DPF3: variants seen among roughly 807,000 people sequenced by gnomAD.
DPF3 encodes the protein double PHD fingers 3.
A neutral mutation model predicts 56.8 loss-of-function variants in DPF3; 18 were observed. The ratio of observed to expected loss-of-function variants is 0.32; its 90% CI spans 0.22 to 0.47. DPF3 has a LOEUF of 0.47. Ranked by LOEUF, DPF3 falls within the 20% of genes least tolerant of loss-of-function variation. The pLI is 1.00. For missense variants in DPF3, 403 were observed against 488.8 expected, an observed-to-expected ratio of 0.82 and a Z score of 1.65; for synonymous variants, 188 against 180.2, an observed-to-expected ratio of 1.04 and a Z score of -0.35.
intron 10 of DPF3, 142 bp from the exon 11 acceptor site, chr14:72,619,509 G>C: frequency 1.1e-6 from 1 of 921,422 alleles, no homozygotes. Context: ...AAACGTGCCA[G>C]AGTCTGTGGC....
At chr14:72,825,039 C>T (rs945194176) in intron 1 of DPF3, among the ~76,000 whole-genome samples, 1 of 151,836 alleles carries the variant, frequency 6.6e-6, no homozygotes, top group South Asian at 2.1e-4. Flanking sequence ...AGGCGCATGC[C>T]ACCATGCCCA....
intron 7 of DPF3, among the ~76,000 whole-genome samples, chr14:72,690,264 A>G (rs1381730278): frequency 1.3e-5 from 2 of 152,150 alleles, no homozygotes; most frequent in African/African-American, 4.8e-5. Context: ...TAGAAGGCCA[A>G]ACACACCCGC....
In DPF3 at chr14:72,614,504, C is replaced by G. The variant is rs1044648923; in HGVS notation, c.*4793G>C. Among the ~76,000 whole-genome samples the G allele has an allele frequency of 6.6e-6, 1 of 152,104 alleles. No individual in the cohort carries two copies. The highest frequency in any genetic ancestry group is 2.4e-5 in the African/African-American group (1 of 41,400). On this transcript the variant is annotated 3_prime_UTR_variant, in exon 11 of 11. Coordinates refer to ENST00000556509, the MANE Select transcript of DPF3 (RefSeq NM_001280542.3). ...CTACTGGTGTCCTGGGCTTGGGGGA[C>G]AGGGGCCTGGGGGCCTGACCCCTCT...
chr14:72,867,020 G>C (rs1419019412), intron 1 of DPF3, among the ~76,000 whole-genome samples: 1 of 151,300 alleles, frequency 6.6e-6, no homozygotes, highest in African/African-American at 2.4e-5. Flanking sequence ...CAAAGGCCTA[G>C]GTGCCCAAAT....
At chr14:72,699,645 C>CA (rs111952257) in intron 6 of DPF3, among the ~76,000 whole-genome samples, 1,612 of 152,182 alleles carry the variant, frequency 0.011, 28 homozygotes, top group African/African-American at 0.037. Context: ...CAGGTCCTGC[C>CA]AACAGCTATT....
chr14:72,718,206 T>C (rs1889011796), intron 5 of DPF3, among the ~76,000 whole-genome samples: 1 of 152,228 alleles, frequency 6.6e-6, no homozygotes, highest in African/African-American at 2.4e-5. Context: ...CTGCTCTTCC[T>C]GTGGTTTGGA....
intron 1 of DPF3, among the ~76,000 whole-genome samples, chr14:72,782,469 C>A (rs1002687400): frequency 6.6e-6 from 1 of 152,176 alleles, no homozygotes. Context: ...AAGCAGTCAG[C>A]CCGTCTCAGT....
intron 1 of DPF3, among the ~76,000 whole-genome samples, chr14:72,819,995 G>A (rs1432631278): frequency 6.6e-6 from 1 of 152,100 alleles, no homozygotes; most frequent in Non-Finnish European, 1.5e-5. Flanking sequence ...CTTAGAATCA[G>A]CAAAATTAAT....
At chr14:72,689,204 T>TG in intron 7 of DPF3, among the ~76,000 whole-genome samples, 1 of 152,048 alleles carries the variant, frequency 6.6e-6, no homozygotes, top group South Asian at 2.1e-4. Context: ...AAGACAAAGC[T>TG]GGGGGGCGAT....
chr14:72,732,010 G>A (rs1263292146), intron 3 of DPF3, 76 bp from the exon 4 acceptor site: 34 of 1,524,394 alleles, frequency 2.2e-5, no homozygotes, highest in Admixed American at 1.6e-4. Context: ...TGGAGGACAC[G>A]CAGGGCCCAG....
chr14:72,644,522 A>G (rs1003168876), intron 8 of DPF3, among the ~76,000 whole-genome samples: 13 of 152,232 alleles, frequency 8.5e-5, no homozygotes, highest in Admixed American at 8.5e-4. Context: ...GAGTTGGAAT[A>G]GTACAAGAGA....
chr14:72,773,675 A>G (rs1599429161), intron 1 of DPF3: 1 of 381,506 alleles, frequency 2.6e-6, no homozygotes, highest in African/African-American at 2.1e-5. Flanking sequence ...TATCTCTATG[A>G]TTCTGACTAC....
chr14:72,612,988 T>C lies in DPF3; in HGVS notation c.*6309A>G, dbSNP rs966143791. ...CAAAGTTTCCCTTTGGTTCATTAAG[T>C]AGGGCGTGTGTGTGTGTGTGTGTGT... On this transcript the variant is annotated 3_prime_UTR_variant, in exon 11 of 11. Coordinates refer to ENST00000556509, the MANE Select transcript of DPF3 (RefSeq NM_001280542.3). Among the ~76,000 whole-genome samples the C allele has an allele frequency of 2.8e-5, 3 of 105,488 alleles. No homozygotes were observed. The highest frequency in any genetic ancestry group is 6.1e-5 in the Non-Finnish European group (3 of 49,168). The allele number at this position is 105,488 out of a possible 152,430, so 69.2% of individuals were successfully genotyped here.
chr14:72,803,021 C>T (rs955928050), intron 1 of DPF3, among the ~76,000 whole-genome samples: 2 of 152,242 alleles, frequency 1.3e-5, no homozygotes, highest in Admixed American at 6.5e-5. Context: ...CCCCTTGTCA[C>T]ATTGACAGAT....
At position 72,613,825 on chromosome 14, in the gene DPF3, G is replaced by A. The variant is rs746241136; in HGVS notation, c.*5472C>T. On this transcript the variant is annotated 3_prime_UTR_variant, in exon 11 of 11. Transcript: ENST00000556509. ...TAGCTGCCTGGGCTGCGCACATGGA[G>A]GGGGCGCCCGCCGCACAGCCAGGCC... 2.6e-5 allele frequency among the ~76,000 whole-genome samples: 4 copies of A among 152,170 alleles called. No individual in the cohort carries two copies. Among genetic ancestry groups the A allele is most frequent in the Non-Finnish European group, 4.4e-5 (3 of 68,028 alleles).
chr14:72,819,801 G>T (rs1011102336), intron 1 of DPF3, among the ~76,000 whole-genome samples: 8 of 152,062 alleles, frequency 5.3e-5, no homozygotes, highest in Admixed American at 5.2e-4. Flanking sequence ...AGCCAGGTGT[G>T]GTGATATGTA....
intron 7 of DPF3, among the ~76,000 whole-genome samples, chr14:72,690,989 G>C (rs1305511196): frequency 6.6e-6 from 1 of 152,212 alleles, no homozygotes; most frequent in African/African-American, 2.4e-5. Flanking sequence ...AAAGGGAAAT[G>C]CAAGTATTGG....
Position 72,619,316 on chromosome 14 carries a change from G to T in DPF3, c.1118C>A (p.Ala373Asp). The T allele has an allele frequency of 6.5e-7, 1 of 1,536,142 alleles. No homozygotes were observed. Among genetic ancestry groups the T allele is most frequent in the South Asian group, 1.2e-5 (1 of 84,064 alleles). Residue 373 changes from alanine (A) to aspartate (D), a missense_variant, in exon 11 of 11, where the codon GCC becomes GAC. Ala to Asp is a moderately radical substitution (Grantham distance 126). Around this residue, in one of 2 missense-constraint regions of DPF3, gnomAD observed 63 missense variants for 114.4 expected, o/e 0.55. Coordinates refer to ENST00000556509, the MANE Select transcript of DPF3 (RefSeq NM_001280542.3). ...CWELLKEKAS[A>D]FGCQA is the part of the protein sequence containing the mutation. ...GGGGCCCTAGGCCTGGCAGCCAAAG[G>T]CTGAGGCTTTCTCTTTGAGCAGTTC...
At chr14:72,727,768 C>A (rs1355318743) in intron 4 of DPF3, among the ~76,000 whole-genome samples, 1 of 152,144 alleles carries the variant, frequency 6.6e-6, no homozygotes, top group Non-Finnish European at 1.5e-5. Context: ...CCCTAGCACC[C>A]AGCACAGTGC....
Sources: allele counts gnomAD v4.1 joint callset (sites outside exome capture counted in the v4.1 genomes callset), GRCh38; gene constraint gnomAD v4.1.1; regional missense constraint gnomAD v4.1.1; transcripts MANE v1.5; gene names NCBI Gene and HGNC (gene_info 2026-07-23, HGNC 2026-07-21).